Variants in HDAC8 observed in about 807,000 individuals in gnomAD.
The protein encoded by HDAC8 is histone deacetylase-like 1.
Under a neutral mutation model 32.2 loss-of-function variants are expected in HDAC8, and 1 was observed. The observed-to-expected ratio is 0.03, with a 90% confidence interval of 0.01 to 0.15. HDAC8 has a LOEUF of 0.15. HDAC8 is among the 10% of genes least tolerant of loss of function. The pLI, the probability that HDAC8 is intolerant of heterozygous loss-of-function variation, is 1.00. For synonymous variants in HDAC8, 108 were observed against 113.9 expected (o/e 0.95, Z 0.33); for missense variants, 117 against 300.0 (o/e 0.39, Z 4.51).
At chrX:72,407,727 G>T (rs1555969101) in intron 9 of HDAC8, among the ~76,000 whole-genome samples, 1 of 112,009 alleles carries the variant, frequency 8.9e-6, no homozygotes, top group Non-Finnish European at 1.9e-5. Context: ...TCCGCTGACT[G>T]ATTTTAGATT....
intron 7 of HDAC8, among the ~76,000 whole-genome samples, chrX:72,482,605 G>T (rs73498371): frequency 9.0e-6 from 1 of 110,583 alleles, no homozygotes; most frequent in Non-Finnish European, 1.9e-5. Context: ...TCTATTTTGG[G>T]GGGGGGGATT....
At chrX:72,513,971 T>C (rs1386279385) in intron 4 of HDAC8, among the ~76,000 whole-genome samples, 1 of 112,204 alleles carries the variant, frequency 8.9e-6, no homozygotes, top group African/African-American at 3.2e-5. Flanking sequence ...GAGAAACTTT[T>C]CATTAAATAG....
intron 7 of HDAC8, among the ~76,000 whole-genome samples, chrX:72,470,782 A>G (rs1234094943): frequency 8.9e-6 from 1 of 111,921 alleles, no homozygotes; most frequent in Non-Finnish European, 1.9e-5. Flanking sequence ...TCTACTAAAA[A>G]ATCTGCAGCT....
At chrX:72,409,783 C>CT (rs1177357521) in intron 9 of HDAC8, among the ~76,000 whole-genome samples, 2 of 112,073 alleles carry the variant, frequency 1.8e-5, no homozygotes, top group Non-Finnish European at 3.8e-5. Flanking sequence ...CCCTGTAACA[C>CT]TTCATGCAAT....
intron 9 of HDAC8, among the ~76,000 whole-genome samples, chrX:72,411,360 C>A (rs1201321704): frequency 8.9e-6 from 1 of 112,095 alleles, no homozygotes; most frequent in Non-Finnish European, 1.9e-5. Context: ...TTCCCTCCGC[C>A]TGGAATGCAG....
intron 9 of HDAC8, among the ~76,000 whole-genome samples, chrX:72,372,743 G>A (rs1555956841): frequency 9.0e-6 from 1 of 111,212 alleles, no homozygotes; most frequent in Non-Finnish European, 1.9e-5. Flanking sequence ...GTATAATTTG[G>A]GGCAAGTTAC....
In HDAC8 at chrX:72,360,082, C is replaced by T. The variant is rs371060090; in HGVS notation, c.1006-8244G>A. 5.0e-3 allele frequency among the ~76,000 whole-genome samples: 529 copies of T among 105,453 alleles called. 2 individuals carry two copies. The highest frequency in any genetic ancestry group is 0.018 in the African/African-American group (500 of 27,929). The allele number at this position is 105,453 out of a possible 115,157, so 91.6% of individuals were successfully genotyped here. A position where few individuals can be genotyped will look rare whatever the true frequency, so the allele number is the denominator to read the frequency against. On this transcript the variant is annotated intron_variant, in intron 9 of 10. Transcript: ENST00000373573. The stretch of plus-strand genomic sequence containing the variant: ...AAAAGAAAAAAAAAAAAAGTCTGGG[C>T]GTGGTGGCTCACGCCTGTAATCCCA...
chrX:72,460,474 G>T (rs2065872927), intron 9 of HDAC8, among the ~76,000 whole-genome samples: 1 of 111,291 alleles, frequency 9.0e-6, no homozygotes, highest in South Asian at 3.8e-4. Flanking sequence ...TTAGATTCCA[G>T]GGAACTACGT....
chrX:72,361,236 T>C, intron 9 of HDAC8, among the ~76,000 whole-genome samples: 1 of 112,096 alleles, frequency 8.9e-6, no homozygotes, highest in Non-Finnish European at 1.9e-5. Context: ...TGCATGGTCG[T>C]GCCAAGAATT....
At chrX:72,557,457 C>T (rs1222152888) in intron 4 of HDAC8, among the ~76,000 whole-genome samples, 4 of 111,685 alleles carry the variant, frequency 3.6e-5, no homozygotes, top group African/African-American at 9.8e-5. Flanking sequence ...AATTAAATAA[C>T]CTGCTTCTGA....
intron 9 of HDAC8, among the ~76,000 whole-genome samples, chrX:72,427,606 G>T (rs1173589669): frequency 5.8e-5 from 5 of 86,933 alleles, no homozygotes; most frequent in Non-Finnish European, 9.8e-5. Context: ...GTGGGGTGGG[G>T]GGGGGGAGGG....
intron 5 of HDAC8, among the ~76,000 whole-genome samples, chrX:72,491,967 C>T (rs1308257212): frequency 2.7e-5 from 3 of 111,400 alleles, no homozygotes; most frequent in Admixed American, 1.9e-4. Flanking sequence ...GCCCCAACAG[C>T]GACTTTAAAA....
At chrX:72,347,882 G>A (rs2044072115) in intron 10 of HDAC8, among the ~76,000 whole-genome samples, 1 of 111,861 alleles carries the variant, frequency 8.9e-6, no homozygotes, top group South Asian at 3.8e-4. Flanking sequence ...CAGCTCATTG[G>A]CACGAGAGGA....
intron 9 of HDAC8, among the ~76,000 whole-genome samples, chrX:72,364,748 G>A (rs782722208): frequency 7.5e-4 from 83 of 111,271 alleles, no homozygotes; most frequent in Middle Eastern, 4.6e-3. Context: ...GATGGGCCCA[G>A]TAAAAGCCCA....
At chrX:72,396,933 T>A (rs782406419) in intron 9 of HDAC8, among the ~76,000 whole-genome samples, 1 of 112,028 alleles carries the variant, frequency 8.9e-6, no homozygotes, top group Admixed American at 9.5e-5. Context: ...GGGTACTTTA[T>A]AAAGAAAAGA....
chrX:72,419,856 A>G (rs2046437882), intron 9 of HDAC8, among the ~76,000 whole-genome samples: 1 of 111,589 alleles, frequency 9.0e-6, no homozygotes, highest in Middle Eastern at 4.2e-3. Context: ...GCATCTTTTG[A>G]GACAACCATG....
intron 9 of HDAC8, among the ~76,000 whole-genome samples, chrX:72,450,530 G>A (rs1254638713): frequency 2.7e-5 from 3 of 111,374 alleles, no homozygotes; most frequent in African/African-American, 9.8e-5. Context: ...AGAGTACATG[G>A]TACCTCTTTG....
intron 9 of HDAC8, among the ~76,000 whole-genome samples, chrX:72,419,979 G>A (rs1296637557): frequency 9.0e-6 from 1 of 111,443 alleles, no homozygotes; most frequent in East Asian, 2.8e-4. Context: ...GTATAATGAC[G>A]TTAATATATG....
intron 4 of HDAC8, among the ~76,000 whole-genome samples, chrX:72,543,341 G>C (rs782318270): frequency 1.1e-4 from 12 of 111,483 alleles, no homozygotes; most frequent in Non-Finnish European, 1.5e-4. Flanking sequence ...TTATGTGTTA[G>C]AGTAGCAGTA....
Sources: gnomAD v4.1 joint callset for allele counts (sites outside exome capture counted in the v4.1 genomes callset) on GRCh38, gnomAD v4.1.1 for gene constraint, MANE v1.5 for transcripts, NCBI Gene and HGNC (gene_info 2026-07-23, HGNC 2026-07-21) for gene names.